Variants in VPS53 observed in about 807,000 individuals in gnomAD.
VPS53 encodes the protein VPS53 subunit of GARP complex, also known as vacuolar protein sorting-associated protein 53 homolog.
VPS53 carries 70 observed loss-of-function variants against 107.0 expected under a neutral mutation model. That is an observed-to-expected ratio of 0.65 (90% CI 0.54 to 0.80). The LOEUF is 0.80. Among genes scored for constraint, VPS53 ranks in the 30% least tolerant of loss-of-function variants. VPS53 has a pLI of 0.00. For synonymous variants in VPS53, 409 were observed against 393.3 expected (o/e 1.04, Z -0.47); for missense variants, 917 against 1,049.4 (o/e 0.87, Z 1.74).
chr17:605,696 G>A (rs1347132578), intron 11 of VPS53, among the ~76,000 whole-genome samples: 17 of 133,612 alleles, frequency 1.3e-4, no homozygotes, highest in South Asian at 2.5e-4. Flanking sequence ...AGGGGTGGCG[G>A]GAGTCCCATC....
At chr17:685,340 G>A (rs1972547893) in intron 4 of VPS53, 1 of 152,080 alleles carries the variant, frequency 6.6e-6, no homozygotes, top group Non-Finnish European at 1.5e-5. Flanking sequence ...CCCTCAACTT[G>A]GGATGGTTCA....
rs985437416 is a variant in VPS53 at position 524,876 on chromosome 17, T to C, written c.2086-3138A>G. Among the ~76,000 whole-genome samples the C allele has an allele frequency of 3.9e-5, 6 of 152,130 alleles. No homozygotes were observed. The highest frequency in any genetic ancestry group is 7.2e-5 in the African/African-American group (3 of 41,414). On this transcript the variant is annotated intron_variant, in intron 19 of 21. Coordinates refer to ENST00000437048, the MANE Select transcript of VPS53 (RefSeq NM_001128159.3). This position sits in a 1 kb window ranked among gnomAD's most constrained non-coding sequence, Gnocchi z 4.5. The stretch of plus-strand genomic sequence containing the variant: ...GACAGTAGAAGTTAGTTCAAGCACG[T>C]TGGGGGAAATTTAGCAACATTTCCT...
chr17:575,935 C>T (rs1277141693), intron 13 of VPS53, among the ~76,000 whole-genome samples: 1 of 151,990 alleles, frequency 6.6e-6, no homozygotes, highest in Non-Finnish European at 1.5e-5. Context: ...AGAGAAATTC[C>T]CTTAGGACCT....
Position 699,343 on chromosome 17 carries a change from C to T in VPS53, c.206G>A (p.Arg69Lys). Reference sequence around the variant, plus strand: ...CAGCTTTACTCACCTTATTTTCAGCCTAATTTTGTTCACGACTTCGTCTAT... The same window carrying T: ...CAGCTTTACTCACCTTATTTTCAGCTTAATTTTGTTCACGACTTCGTCTAT... The part of the protein sequence containing the change: ...ANIDEVVNKI[R>K]LKIRRLDDNI... Residue 69 changes from arginine (R) to lysine (K), a missense_variant, in exon 3 of 22, where the codon AGG (arginine) becomes AAG (lysine). Transcript: ENST00000437048. 1 of 1,577,330 alleles carries T rather than the reference C, an allele frequency of 6.3e-7. No individual in the cohort carries two copies. Among genetic ancestry groups the T allele is most frequent in the Non-Finnish European group, 8.6e-7 (1 of 1,166,126 alleles).
intron 4 of VPS53, among the ~76,000 whole-genome samples, chr17:690,912 A>G (rs886645782): frequency 6.6e-6 from 1 of 152,224 alleles, no homozygotes; most frequent in Non-Finnish European, 1.5e-5. Flanking sequence ...ATGTCTAGAC[A>G]TACAAAAATT....
intron 4 of VPS53, among the ~76,000 whole-genome samples, chr17:666,857 T>A (rs1309325555): frequency 4.6e-5 from 7 of 152,044 alleles, no homozygotes; most frequent in African/African-American, 1.4e-4. Context: ...AAACGGAAGC[T>A]GCAGTGAGCC....
chr17:647,244 C>T (rs955617309), intron 7 of VPS53, among the ~76,000 whole-genome samples: 1 of 152,170 alleles, frequency 6.6e-6, no homozygotes, highest in African/African-American at 2.4e-5. Flanking sequence ...ATCAATTCCT[C>T]TTCTGAGATC....
intron 5 of VPS53, among the ~76,000 whole-genome samples, chr17:661,517 T>A (rs1275448531): frequency 5.4e-4 from 47 of 87,166 alleles, no homozygotes; most frequent in Admixed American, 1.9e-3. Context: ...CAAGACTCCA[T>A]CTCAAAAAAA....
chr17:553,260 C>G, intron 16 of VPS53, 120 bp downstream of exon 16: 1 of 757,296 alleles, frequency 1.3e-6, no homozygotes, highest in South Asian at 1.6e-5. Context: ...GTGCCACATG[C>G]TGCTGTGTAG....
intron 7 of VPS53, among the ~76,000 whole-genome samples, chr17:638,499 T>C (rs1424987190): frequency 1.3e-5 from 2 of 152,248 alleles, no homozygotes; most frequent in Non-Finnish European, 2.9e-5. Context: ...TGATGCAGTT[T>C]CTTCCTAGCA....
chr17:602,082 C>T (rs1189571292), intron 11 of VPS53, among the ~76,000 whole-genome samples, 186 bp from the exon 12 acceptor site: 1 of 152,172 alleles, frequency 6.6e-6, no homozygotes, highest in Non-Finnish European at 1.5e-5. Context: ...CTTCCTGCAA[C>T]CTCCCCGACC....
chr17:570,060 C>A (rs1913894554), intron 13 of VPS53, among the ~76,000 whole-genome samples: 1 of 152,128 alleles, frequency 6.6e-6, no homozygotes, highest in Admixed American at 6.5e-5. Flanking sequence ...AACATCTACA[C>A]CAAGTAATAA....
chr17:619,966 G>A (rs992927185), intron 11 of VPS53, among the ~76,000 whole-genome samples: 4 of 148,776 alleles, frequency 2.7e-5, no homozygotes, highest in African/African-American at 5.0e-5. Flanking sequence ...GACTACAGGC[G>A]TGCGCCACCA....
intron 4 of VPS53, among the ~76,000 whole-genome samples, chr17:688,944 T>C (rs1220223305): frequency 1.3e-5 from 2 of 152,038 alleles, no homozygotes; most frequent in African/African-American, 4.8e-5. Flanking sequence ...CAAAAAATAA[T>C]AACAGAAAAG....
chr17:670,145 T>A (rs1373033834), intron 4 of VPS53, among the ~76,000 whole-genome samples: 2 of 152,172 alleles, frequency 1.3e-5, no homozygotes, highest in Non-Finnish European at 2.9e-5. Context: ...TAAAGTGTTA[T>A]AAAGCGGCGA....
At chr17:533,397 C>T (rs1044008764) in intron 18 of VPS53, among the ~76,000 whole-genome samples, 2 of 152,230 alleles carry the variant, frequency 1.3e-5, no homozygotes, top group Admixed American at 6.5e-5. Flanking sequence ...GCGTGAGCCA[C>T]TGGGCCAGGC....
At chr17:701,080 T>C (rs1597505011) in intron 2 of VPS53, among the ~76,000 whole-genome samples, 1 of 152,280 alleles carries the variant, frequency 6.6e-6, no homozygotes, top group East Asian at 1.9e-4. Flanking sequence ...TCCCAGCACT[T>C]TGGGAGGCTA....
chr17:680,223 G>A (rs901499299), intron 4 of VPS53, among the ~76,000 whole-genome samples: 2 of 152,172 alleles, frequency 1.3e-5, no homozygotes, highest in Non-Finnish European at 2.9e-5. Flanking sequence ...GAACCCAGGA[G>A]GCAGAGGTTG....
At chr17:584,097 G>T (rs889670267) in intron 13 of VPS53, among the ~76,000 whole-genome samples, 6 of 152,116 alleles carry the variant, frequency 3.9e-5, no homozygotes, top group African/African-American at 1.4e-4. Flanking sequence ...CAGAACCTCA[G>T]TGTGTTCCTG....
Sources: gnomAD v4.1 joint callset for allele counts (sites outside exome capture counted in the v4.1 genomes callset) on GRCh38, gnomAD v4.1.1 for gene constraint, Gnocchi (gnomAD v3.1) non-coding constraint, MANE v1.5 for transcripts, NCBI Gene and HGNC (gene_info 2026-07-23, HGNC 2026-07-21) for gene names.